The following CADPS variants were observed in gnomAD, a reference collection of about 807,000 sequenced individuals.
CADPS encodes calcium dependent secretion activator, also known as calcium-dependent secretion activator 1.
A neutral mutation model predicts 167.3 loss-of-function variants in CADPS; 57 were observed. The ratio of observed to expected loss-of-function variants is 0.34; its 90% confidence interval spans 0.28 to 0.42. The LOEUF (loss-of-function observed/expected upper bound fraction) is 0.42. Ranked by LOEUF, CADPS falls within the 20% of genes least tolerant of loss-of-function variation. CADPS has a pLI of 1.00. For missense variants in CADPS, 1,414 were observed against 1,738.1 expected (o/e 0.81, Z 3.32); for synonymous variants, 676 against 635.3 (o/e 1.06, Z -0.96).
intron 3 of CADPS, among the ~76,000 whole-genome samples, chr3:62,713,978 T>C (rs1311451983): frequency 6.6e-6 from 1 of 152,210 alleles, no homozygotes; most frequent in East Asian, 1.9e-4. Flanking sequence ...TTCTTTATAT[T>C]ATTCCAATAC....
chr3:62,579,001 G>C (rs953332302), intron 8 of CADPS, among the ~76,000 whole-genome samples: 1 of 152,210 alleles, frequency 6.6e-6, no homozygotes, highest in African/African-American at 2.4e-5. Context: ...CAGTGGTACA[G>C]CTACAGAAAT....
intron 5 of CADPS, among the ~76,000 whole-genome samples, chr3:62,649,543 CTTTTTTTTTTTTTTTTTTTTT>C (rs369874258): frequency 7.9e-5 from 3 of 37,802 alleles, no homozygotes; most frequent in South Asian, 2.3e-3. Context: ...AATATGTGGT[CTTTTTTTTTTTTTTTTTTTTT>C]TTTTTTTTTT....
In CADPS at chr3:62,645,609, T is replaced by G. The variant is rs111840273; in HGVS notation, c.1325+113A>C. 1.2e-3 allele frequency: 1,356 copies of G among 1,162,472 alleles called. 7 individuals carry two copies. In the African/African-American group the frequency reaches 0.016, roughly 14 times the overall value. 72.0% of individuals were successfully genotyped at this position (1,162,472 alleles called of 1,614,324 possible). On this transcript the variant is annotated intron_variant, in intron 6 of 29. Coordinates refer to ENST00000383710, the MANE Select transcript of CADPS (RefSeq NM_003716.4). ...CATCTTGTTTGAAAAATAAACAAGG[T>G]TTATGTCTTCTCGTATCTTCTGGGG... is the stretch of plus-strand genomic sequence containing the variant.
chr3:62,871,467 T>C (rs983676709), intron 1 of CADPS, among the ~76,000 whole-genome samples: 2 of 152,144 alleles, frequency 1.3e-5, no homozygotes, highest in African/African-American at 4.8e-5. Context: ...GAAGTACACC[T>C]GACATGTTGT....
At chr3:62,770,097 T>A (rs1186645706) in intron 1 of CADPS, among the ~76,000 whole-genome samples, 1 of 152,230 alleles carries the variant, frequency 6.6e-6, no homozygotes, top group Non-Finnish European at 1.5e-5. Context: ...GTGTCTTTTT[T>A]ACTTCTCAGC....
chr3:62,706,580 T>C (rs1022527279), intron 3 of CADPS, among the ~76,000 whole-genome samples: 1 of 152,132 alleles, frequency 6.6e-6, no homozygotes, highest in Non-Finnish European at 1.5e-5. Context: ...GGGTTGCCTC[T>C]GAGGCCACAA....
intron 28 of CADPS, 130 bp from the exon 29 acceptor site, chr3:62,403,315 A>T (rs1246240005): frequency 1.6e-6 from 1 of 641,920 alleles, no homozygotes; most frequent in African/African-American, 1.8e-5. Flanking sequence ...AGAATTTGAG[A>T]GCATAGAGTT....
intron 1 of CADPS, among the ~76,000 whole-genome samples, chr3:62,863,142 G>A (rs1460870171): frequency 6.6e-6 from 1 of 152,146 alleles, no homozygotes; most frequent in Non-Finnish European, 1.5e-5. Flanking sequence ...AATGATCTCT[G>A]CAGTCAGGAG....
chr3:62,792,178 T>C (rs1186711664), intron 1 of CADPS, among the ~76,000 whole-genome samples: 1 of 151,828 alleles, frequency 6.6e-6, no homozygotes, highest in African/African-American at 2.4e-5. Context: ...AGTCAATTCA[T>C]GTGACTAATG....
At chr3:62,703,586 T>A (rs920580996) in intron 3 of CADPS, among the ~76,000 whole-genome samples, 1 of 152,070 alleles carries the variant, frequency 6.6e-6, no homozygotes, top group Admixed American at 6.6e-5. Flanking sequence ...AGTGGCAAGT[T>A]GAAGAGAAAA....
intron 1 of CADPS, among the ~76,000 whole-genome samples, chr3:62,824,655 C>T (rs1176242165): frequency 6.6e-6 from 1 of 152,056 alleles, no homozygotes; most frequent in Non-Finnish European, 1.5e-5. Context: ...CTTTATATTG[C>T]TCACAGCACA....
rs2152504311 is a variant in CADPS at position 62,765,937 on chromosome 3, G to A, written c.489C>T (p.Phe163=). Residue 163 remains phenylalanine (F), a synonymous_variant, in exon 2 of 30, where the codon TTC becomes TTT. Coordinates refer to ENST00000383710, the MANE Select transcript of CADPS (RefSeq NM_003716.4). ...CCATGATCTGGGTTTCCCCATTGAGGAAAGCCTGAAACCGGTCCTTGACTG... is the reference window on the plus strand; with the variant it reads ...CCATGATCTGGGTTTCCCCATTGAGAAAAGCCTGAAACCGGTCCTTGACTG... ...LQTVKDRFQA[F]LNGETQIMAD... is the part of the protein sequence containing the mutation. The A allele has an allele frequency of 1.2e-6, 2 of 1,613,610 alleles. No individual in the cohort carries two copies. The highest frequency in any genetic ancestry group is 2.2e-5 in the East Asian group (1 of 44,866).
intron 5 of CADPS, among the ~76,000 whole-genome samples, chr3:62,647,827 A>G (rs896663138): frequency 6.6e-5 from 10 of 152,218 alleles, no homozygotes; most frequent in African/African-American, 2.4e-4. Context: ...CTTAGTTACT[A>G]CACCTGCAAA....
intron 1 of CADPS, among the ~76,000 whole-genome samples, chr3:62,848,050 T>C (rs1368212584): frequency 1.5e-5 from 2 of 129,646 alleles, no homozygotes; most frequent in South Asian, 2.5e-4. Flanking sequence ...CATTTTTTCA[T>C]GTGTTTTTTG....
chr3:62,814,472 G>A (rs952674760), intron 1 of CADPS: 1 of 152,084 alleles, frequency 6.6e-6, no homozygotes, highest in East Asian at 1.9e-4. Context: ...ACATAAATTC[G>A]TGAAGCGGTT....
Position 62,721,361 on chromosome 3 carries a change from GAGC to G in CADPS, c.888+32077_888+32079del, listed in dbSNP as rs923667736. Among the ~76,000 whole-genome samples, 6 of 152,096 alleles carry G rather than the reference GAGC, an allele frequency of 3.9e-5. No homozygotes were observed. In the East Asian group the frequency reaches 5.8e-4, roughly 15 times the overall value. Reference sequence around the variant, plus strand: ...GGGCATTTTAGCCAGGTTTACTCAGGAGCAGATTTTATGGAGGAAATTACTTTA... The same window carrying G: ...GGGCATTTTAGCCAGGTTTACTCAGGAGATTTTATGGAGGAAATTACTTTA... On this transcript the variant is annotated intron_variant, in intron 3 of 29. Coordinates refer to ENST00000383710, the MANE Select transcript of CADPS (RefSeq NM_003716.4).
chr3:62,522,986 A>G (rs1209278503), intron 13 of CADPS, among the ~76,000 whole-genome samples: 2 of 152,088 alleles, frequency 1.3e-5, no homozygotes, highest in African/African-American at 4.8e-5. Flanking sequence ...TCCGGAATCC[A>G]CCTTTCAAGT....
At chr3:62,725,567 G>T (rs973053857) in intron 3 of CADPS, among the ~76,000 whole-genome samples, 1 of 149,464 alleles carries the variant, frequency 6.7e-6, no homozygotes. Flanking sequence ...AAGCAAGAAT[G>T]ATAATAGCAC....
At chr3:62,690,810 T>A (rs6414553) in intron 3 of CADPS, among the ~76,000 whole-genome samples, 132,792 of 151,856 alleles carry the variant, frequency 0.87, 58,221 homozygotes, top group East Asian at 0.98. Context: ...GTCAACAATG[T>A]TTCCTTTTAC....
Sources: allele counts gnomAD v4.1 joint callset (sites outside exome capture counted in the v4.1 genomes callset), GRCh38; gene constraint gnomAD v4.1.1; transcripts MANE v1.5; gene names NCBI Gene and HGNC (gene_info 2026-07-23, HGNC 2026-07-21).